CA8: variants seen among roughly 807,000 people sequenced by gnomAD.
The protein encoded by CA8 is carbonic anhydrase 8 (inactive).
A neutral mutation model predicts 41.4 loss-of-function variants in CA8; 22 were observed. That is an observed-to-expected ratio of 0.53 (90% confidence interval 0.38 to 0.76). The LOEUF (loss-of-function observed/expected upper bound fraction) is 0.76, where lower values mean the gene tolerates loss of function less well. CA8 is among the 30% of genes least tolerant of loss of function. CA8 has a pLI of 0.00. For synonymous variants in CA8, 121 were observed against 130.6 expected (o/e 0.93, Z 0.50); for missense variants, 270 against 352.8 (o/e 0.77, Z 1.88).
intron 4 of CA8, 146 bp downstream of exon 4, chr8:60,232,138 G>A: frequency 4.4e-6 from 3 of 681,936 alleles, no homozygotes; most frequent in South Asian, 3.2e-5. Flanking sequence ...TAAACCATAA[G>A]GATCAAGTTT....
chr8:60,229,940 C>T (rs1030340927), intron 4 of CA8, among the ~76,000 whole-genome samples: 1 of 152,164 alleles, frequency 6.6e-6, no homozygotes, highest in African/African-American at 2.4e-5. Flanking sequence ...CTCCTTTACC[C>T]GGATAAAGAA....
At chr8:60,215,300 T>C (rs1806976825) in intron 7 of CA8, among the ~76,000 whole-genome samples, 1 of 152,026 alleles carries the variant, frequency 6.6e-6, no homozygotes, top group African/African-American at 2.4e-5. Context: ...AGTTATTTAA[T>C]GGTTAAAATG....
intron 2 of CA8, among the ~76,000 whole-genome samples, chr8:60,273,891 C>T (rs760015856): frequency 1.3e-5 from 2 of 152,184 alleles, no homozygotes. Context: ...GCAGTAACTC[C>T]AGATGGGATT....
chr8:60,273,484 C>T (rs1804134454), intron 2 of CA8, among the ~76,000 whole-genome samples: 1 of 152,236 alleles, frequency 6.6e-6, no homozygotes, highest in South Asian at 2.1e-4. Context: ...TTCTAAGCTC[C>T]TTTGCTCTCT....
chr8:60,273,981 C>G lies in CA8; in HGVS notation c.292+5708G>C, dbSNP rs564945903. Among the ~76,000 whole-genome samples the G allele has an allele frequency of 2.0e-5, 3 of 152,356 alleles. No individual in the cohort carries two copies. In the East Asian group the frequency reaches 5.8e-4, roughly 29 times the overall value. The stretch of plus-strand genomic sequence containing the variant: ...TTTAAGCATTTAAATTATACTACAA[C>G]TGTTCTAAACCTTTTTGGCAATTAT... On this transcript the variant is annotated intron_variant, in intron 2 of 8. Coordinates refer to ENST00000317995, the MANE Select transcript of CA8 (RefSeq NM_004056.6).
chr8:60,247,176 C>G (rs991110892), intron 3 of CA8, among the ~76,000 whole-genome samples: 2 of 152,168 alleles, frequency 1.3e-5, no homozygotes, highest in African/African-American at 2.4e-5. Flanking sequence ...AGCCACCACG[C>G]CCAGCCAATA....
At chr8:60,280,744 G>C (rs913388989) in intron 1 of CA8, among the ~76,000 whole-genome samples, 3 of 152,246 alleles carry the variant, frequency 2.0e-5, no homozygotes, top group Admixed American at 2.0e-4. Context: ...AGACATAAAA[G>C]GTACAGCCAC....
chr8:60,260,312 C>G (rs899906691), intron 3 of CA8, among the ~76,000 whole-genome samples: 2 of 152,118 alleles, frequency 1.3e-5, no homozygotes, highest in Non-Finnish European at 2.9e-5. Flanking sequence ...GCAGGGATTC[C>G]AACTTTGCAA....
chr8:60,223,281 T>A (rs979478389), intron 6 of CA8, among the ~76,000 whole-genome samples: 1 of 151,888 alleles, frequency 6.6e-6, no homozygotes, highest in Non-Finnish European at 1.5e-5. Context: ...CAATCTGGCT[T>A]CATAACCTGT....
At chr8:60,202,673 T>TG (rs1271298618) in intron 8 of CA8, among the ~76,000 whole-genome samples, 2 of 152,214 alleles carry the variant, frequency 1.3e-5, no homozygotes, top group African/African-American at 4.8e-5. Context: ...GAGGAGAGGC[T>TG]GGGGCATCTA....
At chr8:60,246,924 C>T (rs1344545287) in intron 3 of CA8, among the ~76,000 whole-genome samples, 1 of 140,646 alleles carries the variant, frequency 7.1e-6, no homozygotes, top group African/African-American at 2.7e-5. Flanking sequence ...TGCTCTGTCC[C>T]CCAGGCTGGA....
At chr8:60,232,446 A>G (rs887140712) in intron 3 of CA8, 67 bp from the exon 4 acceptor site, 36 of 1,068,230 alleles carry the variant, frequency 3.4e-5, no homozygotes, top group Non-Finnish European at 5.1e-5. Context: ...AAGCAAAGAT[A>G]TAGCCATTTC....
intron 3 of CA8, among the ~76,000 whole-genome samples, chr8:60,252,074 CA>C (rs1313435095): frequency 4.6e-4 from 70 of 152,186 alleles, no homozygotes; most frequent in Middle Eastern, 6.8e-3. Context: ...GTTTCATACT[CA>C]ATATTCCTTA....
intron 3 of CA8, among the ~76,000 whole-genome samples, chr8:60,235,005 G>A (rs535728124): frequency 9.1e-4 from 138 of 152,294 alleles, no homozygotes; most frequent in African/African-American, 3.0e-3. Flanking sequence ...TGGTAACCTA[G>A]GTGCGTGGCT....
In CA8 at chr8:60,281,364, C is replaced by T. The variant is rs751642666; in HGVS notation, c.-217G>A. On this transcript the variant is annotated 5_prime_UTR_variant, in exon 1 of 9. Transcript: ENST00000317995. ...CAGAGACCCGCGTGGGAAGCGCGTC[C>T]GGAGGCCCCAGCAGAGCGAGGGAGC... 26 of 568,232 alleles carry T rather than the reference C, an allele frequency of 4.6e-5. No individual in the cohort carries two copies. Among genetic ancestry groups the T allele is most frequent in the Non-Finnish European group, 6.9e-5 (22 of 318,630 alleles). The allele number at this position is 568,232 out of a possible 1,614,324, so 35.2% of individuals were successfully genotyped here.
chr8:60,227,766 TAAATA>T (rs944440442), intron 4 of CA8, among the ~76,000 whole-genome samples: 3 of 152,182 alleles, frequency 2.0e-5, no homozygotes, highest in African/African-American at 7.2e-5. Context: ...CTTCTATTCT[TAAATA>T]AATAATAATG....
At position 60,279,749 on chromosome 8, in the gene CA8, G is replaced by A. The variant is rs1804348372; in HGVS notation, c.232C>T (p.Arg78Ter). ...CCATCATTGGTGACTTCACAGTCTC[G>A]GCACACCACATAATTTGGGGAGAGG... ...VRLSPNYVVC[R>*]DCEVTNDGHT... Residue 78 changes from arginine (R) to a stop codon, truncating the protein, a stop_gained, in exon 2 of 9, where the codon CGA becomes TGA. Coordinates refer to ENST00000317995, the MANE Select transcript of CA8 (RefSeq NM_004056.6). LOFTEE classifies it high-confidence loss of function. 2 of 1,613,900 alleles carry A rather than the reference G, an allele frequency of 1.2e-6. No individual in the cohort carries two copies. The highest frequency in any genetic ancestry group is 1.7e-6 in the Non-Finnish European group (2 of 1,180,004).
At chr8:60,265,673 T>C in intron 3 of CA8, 1 of 472,062 alleles carries the variant, frequency 2.1e-6, no homozygotes, top group Non-Finnish European at 3.8e-6. Flanking sequence ...ATAGTAACAC[T>C]AGGGTGAAAT....
intron 3 of CA8, among the ~76,000 whole-genome samples, chr8:60,241,067 T>C (rs1166060378): frequency 6.6e-6 from 1 of 152,172 alleles, no homozygotes; most frequent in Non-Finnish European, 1.5e-5. Flanking sequence ...CCAGATCCAC[T>C]CATAATTATA....
Sources: allele counts gnomAD v4.1 joint callset (sites outside exome capture counted in the v4.1 genomes callset), GRCh38; gene constraint gnomAD v4.1.1; transcripts MANE v1.5; gene names NCBI Gene and HGNC (gene_info 2026-07-23, HGNC 2026-07-21).